CNTNAP2: variants seen among roughly 807,000 people sequenced by gnomAD.
The protein encoded by CNTNAP2 is contactin associated protein 2, also known as contactin-associated protein-like 2.
In CNTNAP2, 98 loss-of-function variants were observed where a neutral mutation model predicts 155.2. The ratio of observed to expected loss-of-function variants is 0.63; its 90% confidence interval spans 0.54 to 0.75. CNTNAP2 has a LOEUF of 0.75. Among genes scored for constraint, CNTNAP2 ranks in the 30% least tolerant of loss-of-function variants. The pLI, the probability that CNTNAP2 is intolerant of heterozygous loss-of-function variation, is 0.00. For synonymous variants in CNTNAP2, 651 were observed against 631.2 expected (o/e 1.03, Z -0.47); for missense variants, 1,727 against 1,688.1 (o/e 1.02, Z -0.40).
chr7:146,361,495 C>T (rs1248849888), intron 1 of CNTNAP2, among the ~76,000 whole-genome samples: 2 of 152,126 alleles, frequency 1.3e-5, no homozygotes, highest in East Asian at 1.9e-4. Context: ...GTATGCTTCT[C>T]TAGGATTCAA....
chr7:148,015,268 G>C (rs182990487), intron 15 of CNTNAP2, among the ~76,000 whole-genome samples: 391 of 152,240 alleles, frequency 2.6e-3, no homozygotes, highest in African/African-American at 9.1e-3. Context: ...AGCTTTAATG[G>C]AATTTTTAGT....
chr7:147,566,855 G>GA (rs1221674344), intron 12 of CNTNAP2, among the ~76,000 whole-genome samples: 1 of 152,116 alleles, frequency 6.6e-6, no homozygotes, highest in Non-Finnish European at 1.5e-5. Context: ...TAAGTGTTTG[G>GA]AAAAATATAC....
intron 13 of CNTNAP2, among the ~76,000 whole-genome samples, chr7:147,747,856 CT>C (rs1256873735): frequency 6.6e-6 from 1 of 152,194 alleles, no homozygotes; most frequent in Non-Finnish European, 1.5e-5. Flanking sequence ...TCTGCAGTGG[CT>C]TTAAGGAGAT....
chr7:147,258,919 T>C (rs1804392949), intron 8 of CNTNAP2, among the ~76,000 whole-genome samples: 1 of 152,122 alleles, frequency 6.6e-6, no homozygotes, highest in African/African-American at 2.4e-5. Flanking sequence ...CCTGGATGAG[T>C]CATATGTTTC....
At chr7:147,745,559 C>A (rs2116494014) in intron 13 of CNTNAP2, among the ~76,000 whole-genome samples, 2 of 152,276 alleles carry the variant, frequency 1.3e-5, no homozygotes, top group South Asian at 4.1e-4. Context: ...TTGCTTTATT[C>A]CAATTACACG....
At chr7:146,994,009 A>G (rs1798257717) in intron 3 of CNTNAP2, among the ~76,000 whole-genome samples, 1 of 152,096 alleles carries the variant, frequency 6.6e-6, no homozygotes, top group African/African-American at 2.4e-5. Flanking sequence ...ATCATTTTCT[A>G]TTGCTAATCA....
At chr7:147,752,445 C>G (rs1165061379) in intron 13 of CNTNAP2, among the ~76,000 whole-genome samples, 1 of 152,124 alleles carries the variant, frequency 6.6e-6, no homozygotes, top group African/African-American at 2.4e-5. Context: ...GGTCCTTTTC[C>G]TATTTCTTTC....
intron 14 of CNTNAP2, among the ~76,000 whole-genome samples, 192 bp from the exon 15 acceptor site, chr7:147,977,670 G>A (rs976362305): frequency 1.3e-5 from 2 of 152,198 alleles, no homozygotes; most frequent in Non-Finnish European, 2.9e-5. Flanking sequence ...GAAGATGCCA[G>A]AAGGGCTTCT....
chr7:148,230,285 C>T (rs1399365234), intron 20 of CNTNAP2, among the ~76,000 whole-genome samples: 2 of 152,170 alleles, frequency 1.3e-5, no homozygotes, highest in East Asian at 1.9e-4. Flanking sequence ...TGTGGGCTTT[C>T]GGCACACAAA....
In CNTNAP2 at chr7:148,415,647, G is replaced by A; in HGVS notation, c.*31G>A. Reference sequence around the variant, plus strand: ...GGCTACTTGGCTATGGGATAGGGAGGAGGGAATTACTAGGGAGGAGAGAAA... The same window carrying A: ...GGCTACTTGGCTATGGGATAGGGAGAAGGGAATTACTAGGGAGGAGAGAAA... On this transcript the variant is annotated 3_prime_UTR_variant, in exon 24 of 24. Transcript: ENST00000361727. 2.5e-6 allele frequency: 4 copies of A among 1,612,174 alleles called. No individual in the cohort carries two copies. The highest frequency in any genetic ancestry group is 3.4e-6 in the Non-Finnish European group (4 of 1,179,492).
chr7:147,177,796 C>T (rs1802378624), intron 8 of CNTNAP2, among the ~76,000 whole-genome samples: 2 of 152,072 alleles, frequency 1.3e-5, no homozygotes, highest in Non-Finnish European at 2.9e-5. Flanking sequence ...CATGGGTAGG[C>T]TAATTCACGT....
chr7:148,388,469 T>C (rs1391085147), intron 22 of CNTNAP2, among the ~76,000 whole-genome samples: 2 of 152,076 alleles, frequency 1.3e-5, no homozygotes, highest in Non-Finnish European at 2.9e-5. Flanking sequence ...AGAAAGGACA[T>C]GAACTCATCA....
intron 13 of CNTNAP2, among the ~76,000 whole-genome samples, chr7:147,901,511 A>C (rs1383621822): frequency 6.6e-6 from 1 of 152,224 alleles, no homozygotes; most frequent in African/African-American, 2.4e-5. Context: ...CTCTCAGCAC[A>C]TCTCTTCAGC....
At chr7:147,261,435 C>G (rs958993847) in intron 8 of CNTNAP2, among the ~76,000 whole-genome samples, 1 of 152,110 alleles carries the variant, frequency 6.6e-6, no homozygotes, top group Non-Finnish European at 1.5e-5. Flanking sequence ...TAGGTTGTTG[C>G]ATTTCTAAAT....
intron 12 of CNTNAP2, among the ~76,000 whole-genome samples, chr7:147,622,914 T>A (rs10263715): frequency 6.6e-6 from 1 of 151,826 alleles, no homozygotes; most frequent in African/African-American, 2.4e-5. Context: ...TAAATAAAAT[T>A]GGAGATGAAA....
chr7:148,403,062 C>T, intron 22 of CNTNAP2, among the ~76,000 whole-genome samples: 1 of 33,376 alleles, frequency 3.0e-5, no homozygotes, highest in Non-Finnish European at 6.8e-5. Context: ...TCCTTATTCA[C>T]TAGGACAGAC....
chr7:147,743,584 C>T (rs74720005), intron 13 of CNTNAP2, among the ~76,000 whole-genome samples: 11 of 152,274 alleles, frequency 7.2e-5, no homozygotes, highest in African/African-American at 1.9e-4. Flanking sequence ...TGTCCAGTCA[C>T]GCTCTGGTAA....
At chr7:147,096,453 T>C (rs968650623) in intron 4 of CNTNAP2, among the ~76,000 whole-genome samples, 1 of 152,272 alleles carries the variant, frequency 6.6e-6, no homozygotes, top group Non-Finnish European at 1.5e-5. Flanking sequence ...TCTGCCATCA[T>C]GGCTGAGCTT....
At chr7:148,010,755 G>GC (rs1363538224) in intron 15 of CNTNAP2, among the ~76,000 whole-genome samples, 1 of 151,502 alleles carries the variant, frequency 6.6e-6, no homozygotes, top group African/African-American at 2.4e-5. Flanking sequence ...TTCACCCTCT[G>GC]CCCCCACATA....
Sources: allele counts gnomAD v4.1 joint callset (sites outside exome capture counted in the v4.1 genomes callset), GRCh38; gene constraint gnomAD v4.1.1; transcripts MANE v1.5; gene names NCBI Gene and HGNC (gene_info 2026-07-23, HGNC 2026-07-21).